PTPRZ1: variants seen among roughly 807,000 people sequenced by gnomAD.
PTPRZ1 encodes the protein protein tyrosine phosphatase receptor type Z1, also known as receptor-type tyrosine-protein phosphatase zeta.
PTPRZ1 carries 82 observed loss-of-function variants against 214.1 expected under a neutral mutation model. That is an observed-to-expected ratio of 0.38 (90% CI 0.32 to 0.46). The LOEUF is 0.46. Ranked by LOEUF, PTPRZ1 falls within the 20% of genes least tolerant of loss-of-function variation. The pLI, the probability that PTPRZ1 is intolerant of heterozygous loss-of-function variation, is 1.00. For synonymous variants in PTPRZ1, 945 were observed against 987.9 expected (o/e 0.96, Z 0.81); for missense variants, 2,603 against 2,748.7 (o/e 0.95, Z 1.19).
chr7:122,039,319 A>G (rs2150477252), intron 19 of PTPRZ1, 135 bp from the exon 20 acceptor site: 3 of 988,610 alleles, frequency 3.0e-6, no homozygotes, highest in Non-Finnish European at 4.3e-6. Flanking sequence ...TCAGTCACTT[A>G]TAAAGAAAAT....
chr7:121,873,334 A>T lies in PTPRZ1; in HGVS notation c.-166A>T. 4 of 623,934 alleles carry T rather than the reference A, an allele frequency of 6.4e-6. No individual in the cohort carries two copies. Among genetic ancestry groups the T allele is most frequent in the East Asian group, 2.8e-5 (1 of 35,890 alleles). 38.6% of individuals were successfully genotyped at this position (623,934 alleles called of 1,614,324 possible). On this transcript the variant is annotated 5_prime_UTR_variant, in exon 1 of 30. Transcript: ENST00000393386. ...GTCTCTGTCTCTCTCTCTCTCACAC[A>T]CACACACACACACACAAACACACAT...
rs1454187845 is a variant in PTPRZ1, at chr7:122,011,334, A to G, written c.2288A>G (p.Tyr763Cys). ...YNGETPLQPS[Y>C]SSEVFPLVTP... ...GGTGAGACACCTCTTCAACCTTCCT[A>G]CAGTAGTGAAGTCTTTCCTCTAGTC... The change falls in exon 12 of 30, where the codon TAC becomes TGC. Residue 763 changes from tyrosine (Y) to cysteine (C), a missense_variant. By Grantham distance (194) the Tyr-to-Cys change is radical. Transcript: ENST00000393386. 1 of 1,614,096 alleles carries G rather than the reference A, an allele frequency of 6.2e-7. No homozygotes were observed. Among genetic ancestry groups the G allele is most frequent in the Admixed American group, 1.7e-5 (1 of 60,008 alleles).
chr7:122,006,905 A>G (rs1798505802), intron 11 of PTPRZ1, among the ~76,000 whole-genome samples: 1 of 152,100 alleles, frequency 6.6e-6, no homozygotes, highest in Non-Finnish European at 1.5e-5. Context: ...TCGTTGTTAC[A>G]TCTAAACTGA....
At chr7:122,051,797 G>T in intron 24 of PTPRZ1, 69 bp from the exon 25 acceptor site, 1 of 1,381,964 alleles carries the variant, frequency 7.2e-7, no homozygotes, top group Non-Finnish European at 1.0e-6. Context: ...ATGGTACAGT[G>T]CTGTGAGCAT....
intron 1 of PTPRZ1, among the ~76,000 whole-genome samples, chr7:121,918,943 C>CTT (rs1455162419): frequency 6.6e-6 from 1 of 151,882 alleles, no homozygotes; most frequent in Non-Finnish European, 1.5e-5. Context: ...AACTTCCCCA[C>CTT]TTTTTGTATA....
At chr7:121,906,279 AC>A (rs1376690005) in intron 1 of PTPRZ1, among the ~76,000 whole-genome samples, 1 of 152,282 alleles carries the variant, frequency 6.6e-6, no homozygotes, top group East Asian at 1.9e-4. Flanking sequence ...TGCCTTATGA[AC>A]TTTTGTGTTC....
At chr7:121,937,950 CT>C (rs989196745) in intron 2 of PTPRZ1, among the ~76,000 whole-genome samples, 2 of 152,104 alleles carry the variant, frequency 1.3e-5, no homozygotes, top group African/African-American at 2.4e-5. Flanking sequence ...AAGGAAAACA[CT>C]TTTTTATTTA....
chr7:121,957,160 C>G (rs1024104664), intron 2 of PTPRZ1, among the ~76,000 whole-genome samples: 1 of 152,172 alleles, frequency 6.6e-6, no homozygotes, highest in Non-Finnish European at 1.5e-5. Context: ...CTTTTTCCCT[C>G]TGGGTACCTT....
chr7:122,014,265 C>G (rs1798778957), intron 12 of PTPRZ1, among the ~76,000 whole-genome samples: 1 of 151,812 alleles, frequency 6.6e-6, no homozygotes, highest in Non-Finnish European at 1.5e-5. Flanking sequence ...AATTTTCATA[C>G]TTTTGTTCTA....
intron 13 of PTPRZ1, among the ~76,000 whole-genome samples, chr7:122,023,757 A>AT (rs1562868776): frequency 5.2e-5 from 7 of 134,616 alleles, no homozygotes; most frequent in South Asian, 2.1e-4. Flanking sequence ...TTATATATAT[A>AT]ATGTATAATT....
chr7:121,967,337 C>A (rs533863508), intron 2 of PTPRZ1, among the ~76,000 whole-genome samples: 1 of 152,014 alleles, frequency 6.6e-6, no homozygotes, highest in African/African-American at 2.4e-5. Context: ...TTAAGGACAG[C>A]CTGATGATTA....
chr7:121,972,196 C>T (rs1797270984), intron 3 of PTPRZ1, among the ~76,000 whole-genome samples: 1 of 152,006 alleles, frequency 6.6e-6, no homozygotes, highest in East Asian at 1.9e-4. Flanking sequence ...AGTTCCTTCC[C>T]CCTTTGCTCT....
chr7:122,016,892 T>C (rs1030860597), intron 12 of PTPRZ1, among the ~76,000 whole-genome samples: 26 of 152,162 alleles, frequency 1.7e-4, no homozygotes, highest in African/African-American at 6.0e-4. Flanking sequence ...TTAACATAGA[T>C]CAAAATCAAC....
At chr7:122,053,861 T>C (rs2150491269) in intron 25 of PTPRZ1, 49 bp from the exon 26 acceptor site, 2 of 1,602,878 alleles carry the variant, frequency 1.2e-6, no homozygotes, top group Non-Finnish European at 1.7e-6. Context: ...TATCTGAATG[T>C]TTAAAGGCAT....
intron 12 of PTPRZ1, 68 bp from the exon 13 acceptor site, chr7:122,019,056 C>G: frequency 1.3e-5 from 18 of 1,427,266 alleles, no homozygotes; most frequent in Middle Eastern, 1.9e-4. Context: ...TGCAATTAAT[C>G]AGTTGAAAAA....
Position 122,013,044 on chromosome 7 carries a change from C to A in PTPRZ1, c.3998C>A (p.Ser1333Tyr), listed in dbSNP as rs763219797. 3 of 1,613,734 alleles carry A rather than the reference C, an allele frequency of 1.9e-6. No individual in the cohort carries two copies. In the East Asian group the frequency reaches 6.7e-5, roughly 36 times the overall value. Residue 1333 changes from serine (S) to tyrosine (Y), a missense_variant, in exon 12 of 30, where the codon TCC becomes TAC. Physicochemically the swap from Ser to Tyr is moderately radical, Grantham distance 144. Coordinates refer to ENST00000393386, the MANE Select transcript of PTPRZ1 (RefSeq NM_002851.3). Reference sequence around the variant, plus strand: ...ACACTAATAAATAAGCTTATACATTCCGATGAAATTTTAACCTCCACCAAA... The same window carrying A: ...ACACTAATAAATAAGCTTATACATTACGATGAAATTTTAACCTCCACCAAA... ...LNTLINKLIH[S>Y]DEILTSTKSS... is the part of the protein sequence containing the mutation.
At position 122,055,449 on chromosome 7, in the gene PTPRZ1, TACTACCTACCTAAACTCTCCTAA is replaced by T. The variant is rs1435146703; in HGVS notation, c.6528+363_6528+385del. ...TACCTTGTAAGTAAAATGGGAAAAA[TACTACCTACCTAAACTCTCCTAA>T]GTAAAATGGGAAAAATACTACCTAC... On this transcript the variant is annotated intron_variant, in intron 27 of 29. Coordinates refer to ENST00000393386, the MANE Select transcript of PTPRZ1 (RefSeq NM_002851.3). Among the ~76,000 whole-genome samples, 1,003 of 151,942 alleles carry T rather than the reference TACTACCTACCTAAACTCTCCTAA, an allele frequency of 6.6e-3. 10 individuals carry two copies. Among genetic ancestry groups the T allele is most frequent in the African/African-American group, 0.021 (888 of 41,508 alleles).
intron 2 of PTPRZ1, among the ~76,000 whole-genome samples, chr7:121,947,768 G>A (rs1417533208): frequency 6.6e-6 from 1 of 151,682 alleles, no homozygotes; most frequent in African/African-American, 2.4e-5. Flanking sequence ...TTTTTTTTAT[G>A]AGGCCAAATC....
intron 26 of PTPRZ1, 129 bp from the exon 27 acceptor site, chr7:122,054,812 G>T: frequency 1.1e-6 from 1 of 913,758 alleles, no homozygotes. Context: ...GATGTTAAGA[G>T]TAAATATTCA....
Sources: allele counts gnomAD v4.1 joint callset (sites outside exome capture counted in the v4.1 genomes callset), GRCh38; gene constraint gnomAD v4.1.1; transcripts MANE v1.5; gene names NCBI Gene and HGNC (gene_info 2026-07-23, HGNC 2026-07-21).